The following NOL4 variants were observed in gnomAD, a reference collection of about 807,000 sequenced individuals.
The protein encoded by NOL4 is cancer/testis antigen 125.
Under a neutral mutation model 75.9 loss-of-function variants are expected in NOL4, and 17 were observed. The ratio of observed to expected loss-of-function variants is 0.22; its 90% confidence interval spans 0.15 to 0.34. The LOEUF (loss-of-function observed/expected upper bound fraction) is 0.34, where lower values mean the gene tolerates loss of function less well. Ranked by LOEUF, NOL4 falls within the 10% of genes least tolerant of loss-of-function variation. The pLI is 1.00. For synonymous variants in NOL4, 292 were observed against 289.9 expected, an observed-to-expected ratio of 1.01 and a Z score of -0.07; for missense variants, 614 against 793.5, an observed-to-expected ratio of 0.77 and a Z score of 2.72.
chr18:34,022,778 G>A (rs548453887), intron 5 of NOL4, among the ~76,000 whole-genome samples: 7 of 151,998 alleles, frequency 4.6e-5, no homozygotes, highest in East Asian at 3.9e-4. Context: ...TAAAATCTAC[G>A]TTAGCATAAG....
chr18:34,163,682 T>C (rs1292431149), intron 1 of NOL4, among the ~76,000 whole-genome samples: 1 of 152,098 alleles, frequency 6.6e-6, no homozygotes, highest in African/African-American at 2.4e-5. Context: ...AATTTATAGA[T>C]TCAATGCCAA....
At chr18:33,978,479 A>G (rs1044735954) in intron 6 of NOL4, among the ~76,000 whole-genome samples, 1 of 152,134 alleles carries the variant, frequency 6.6e-6, no homozygotes, top group Non-Finnish European at 1.5e-5. Flanking sequence ...TATCTGTCCT[A>G]GTTACAAGAA....
chr18:33,921,378 G>A (rs940868757), intron 9 of NOL4, among the ~76,000 whole-genome samples: 18 of 152,102 alleles, frequency 1.2e-4, no homozygotes, highest in African/African-American at 4.3e-4. Context: ...ATTGTGGAGG[G>A]TGCAAAGAAT....
intron 1 of NOL4, among the ~76,000 whole-genome samples, chr18:34,196,788 A>C (rs2035360578): frequency 6.6e-6 from 1 of 152,080 alleles, no homozygotes; most frequent in African/African-American, 2.4e-5. Context: ...AAGGTTCAAG[A>C]AACTAAATAA....
At chr18:34,219,561 G>A (rs912946175) in intron 1 of NOL4, among the ~76,000 whole-genome samples, 1 of 152,132 alleles carries the variant, frequency 6.6e-6, no homozygotes, top group Non-Finnish European at 1.5e-5. Flanking sequence ...AACTACACTG[G>A]AACTACCAAA....
chr18:33,976,184 G>A (rs1199757724), intron 6 of NOL4, among the ~76,000 whole-genome samples: 1 of 152,078 alleles, frequency 6.6e-6, no homozygotes, highest in Non-Finnish European at 1.5e-5. Context: ...TTATAAAATG[G>A]GTTTAGAACA....
rs557367618 is a variant in NOL4 at position 34,047,837 on chromosome 18, A to C, written c.773-28236T>G. ...ATCCATCTGAGGCGATCAACAAAAA[A>C]TCCTGAAAGGTATACACATTGCACA... On this transcript the variant is annotated intron_variant, in intron 5 of 10. Coordinates refer to ENST00000261592, the MANE Select transcript of NOL4 (RefSeq NM_003787.5). Among the ~76,000 whole-genome samples the C allele has an allele frequency of 2.0e-5, 3 of 152,124 alleles. No homozygotes were observed. In the East Asian group the frequency reaches 5.8e-4, roughly 29 times the overall value.
chr18:34,049,516 C>T (rs1181969327), intron 5 of NOL4, among the ~76,000 whole-genome samples: 2 of 151,966 alleles, frequency 1.3e-5, no homozygotes, highest in Admixed American at 6.6e-5. Context: ...ATGAGTACAT[C>T]CTTTTCAATT....
chr18:34,202,649 G>T (rs1233962090), intron 1 of NOL4, among the ~76,000 whole-genome samples: 1 of 151,910 alleles, frequency 6.6e-6, no homozygotes, highest in East Asian at 1.9e-4. Flanking sequence ...GTTCTAACAT[G>T]AAAATTGAGA....
intron 6 of NOL4, among the ~76,000 whole-genome samples, chr18:33,985,772 G>C (rs1055533032): frequency 6.6e-6 from 1 of 152,066 alleles, no homozygotes; most frequent in Non-Finnish European, 1.5e-5. Flanking sequence ...TATCTTTGTT[G>C]TATGTTGGGA....
chr18:34,007,339 C>T (rs989872051), intron 6 of NOL4, among the ~76,000 whole-genome samples: 10 of 151,934 alleles, frequency 6.6e-5, no homozygotes, highest in Admixed American at 5.9e-4. Flanking sequence ...ATCACAATAA[C>T]CCAATCCAAA....
intron 5 of NOL4, among the ~76,000 whole-genome samples, chr18:34,049,659 A>C (rs903877014): frequency 1.3e-5 from 2 of 151,956 alleles, no homozygotes; most frequent in African/African-American, 4.8e-5. Flanking sequence ...ATTTCCCCGT[A>C]ATCTTTTCTA....
At chr18:34,045,416 T>C (rs1247529826) in intron 5 of NOL4, among the ~76,000 whole-genome samples, 2 of 152,152 alleles carry the variant, frequency 1.3e-5, no homozygotes, top group African/African-American at 4.8e-5. Flanking sequence ...AGAATAAATA[T>C]ATCTTAACAG....
chr18:33,945,159 A>T (rs2068752724), intron 8 of NOL4, among the ~76,000 whole-genome samples: 1 of 151,924 alleles, frequency 6.6e-6, no homozygotes, highest in Non-Finnish European at 1.5e-5. Flanking sequence ...AATTAAGAGA[A>T]TCTAAATAAA....
intron 9 of NOL4, among the ~76,000 whole-genome samples, chr18:33,911,437 C>CT (rs1429315302): frequency 6.6e-6 from 1 of 151,948 alleles, no homozygotes; most frequent in Non-Finnish European, 1.5e-5. Flanking sequence ...ACTTTATTTT[C>CT]TATTTTTTGT....
intron 9 of NOL4, among the ~76,000 whole-genome samples, chr18:33,894,237 T>C (rs566803466): frequency 6.6e-6 from 1 of 152,260 alleles, no homozygotes; most frequent in African/African-American, 2.4e-5. Flanking sequence ...TTTAAAATGC[T>C]TTTCTGCTAA....
At chr18:34,197,098 A>C (rs991615177) in intron 1 of NOL4, among the ~76,000 whole-genome samples, 1 of 106,730 alleles carries the variant, frequency 9.4e-6, no homozygotes, top group South Asian at 2.5e-4. Flanking sequence ...AAAACTACAA[A>C]AGGGTGCTAA....
intron 5 of NOL4, among the ~76,000 whole-genome samples, chr18:34,026,880 G>A (rs1458802232): frequency 1.3e-5 from 2 of 152,052 alleles, no homozygotes; most frequent in Non-Finnish European, 2.9e-5. Context: ...ATTAGAAACT[G>A]GTTTCCTAAT....
At chr18:34,042,029 T>C (rs1238505662) in intron 5 of NOL4, among the ~76,000 whole-genome samples, 1 of 152,032 alleles carries the variant, frequency 6.6e-6, no homozygotes, top group Admixed American at 6.6e-5. Context: ...TATAAAATTA[T>C]ACATAGGCAT....
Sources: allele counts gnomAD v4.1 joint callset (sites outside exome capture counted in the v4.1 genomes callset), GRCh38; gene constraint gnomAD v4.1.1; transcripts MANE v1.5; gene names NCBI Gene and HGNC (gene_info 2026-07-23, HGNC 2026-07-21).